TENM1: variants seen among roughly 807,000 people sequenced by gnomAD.
TENM1 encodes teneurin-1.
TENM1 carries 35 observed loss-of-function variants against 174.8 expected under a neutral mutation model. The observed-to-expected ratio is 0.20, with a 90% confidence interval of 0.15 to 0.27. TENM1 has a LOEUF of 0.27. Among genes scored for constraint, TENM1 ranks in the 10% least tolerant of loss-of-function variants. The pLI is 1.00. For missense variants in TENM1, 1,633 were observed against 2,130.1 expected (o/e 0.77, Z 4.59); for synonymous variants, 781 against 798.7 (o/e 0.98, Z 0.37).
the TENM1 span, among the ~76,000 whole-genome samples, chrX:125,129,517 G>T: frequency 9.0e-6 from 1 of 110,963 alleles, no homozygotes; most frequent in Admixed American, 9.6e-5. Flanking sequence ...TCACTGTAGT[G>T]ACACTATTGT....
chrX:125,197,991 G>T, the TENM1 span, among the ~76,000 whole-genome samples: 1 of 111,801 alleles, frequency 8.9e-6, no homozygotes, highest in East Asian at 2.8e-4. Context: ...ACTTGACATG[G>T]ATTGCAATTC....
intron 27 of TENM1, 113 bp from the exon 31 acceptor site, chrX:124,392,461 C>G: frequency 1.6e-6 from 1 of 613,846 alleles, no homozygotes; most frequent in Non-Finnish European, 2.5e-6. Context: ...TGTCTTGCCT[C>G]TGAAGCCTCA....
At chrX:124,465,845 G>A (rs779512741) in intron 22 of TENM1, among the ~76,000 whole-genome samples, 68 of 111,141 alleles carry the variant, frequency 6.1e-4, no homozygotes, top group Middle Eastern at 4.7e-3. Flanking sequence ...TCCCCAAAGA[G>A]ATAATATTCC....
intron 3 of TENM1, among the ~76,000 whole-genome samples, chrX:124,847,419 A>C (rs1427343242): frequency 8.9e-6 from 1 of 112,000 alleles, no homozygotes; most frequent in African/African-American, 3.2e-5. Context: ...TATAATCAGC[A>C]ACTTTCAGCA....
the TENM1 span, among the ~76,000 whole-genome samples, chrX:125,178,492 TAG>T: frequency 9.1e-6 from 1 of 110,228 alleles, no homozygotes; most frequent in Non-Finnish European, 1.9e-5. Context: ...CTCTCAACCT[TAG>T]AGAGATAGAT....
chrX:125,120,785 TC>T, the TENM1 span, among the ~76,000 whole-genome samples: 1 of 111,348 alleles, frequency 9.0e-6, no homozygotes, highest in East Asian at 2.8e-4. Flanking sequence ...CACCAGTTAA[TC>T]CCACATCGGT....
the TENM1 span, among the ~76,000 whole-genome samples, chrX:125,093,181 T>TA: frequency 2.7e-5 from 3 of 112,148 alleles, no homozygotes; most frequent in African/African-American, 9.7e-5. Context: ...TTTGTAAGAT[T>TA]AGCTCAGTGG....
At chrX:124,983,409 A>G in the TENM1 span, among the ~76,000 whole-genome samples, 1 of 111,211 alleles carries the variant, frequency 9.0e-6, no homozygotes, top group African/African-American at 3.3e-5. Context: ...AATTCCATAT[A>G]TCTTGGAAGT....
At chrX:125,198,444 G>C in the TENM1 span, among the ~76,000 whole-genome samples, 1 of 111,448 alleles carries the variant, frequency 9.0e-6, no homozygotes, top group Non-Finnish European at 1.9e-5. Context: ...AGCTGTGAAT[G>C]TTCTATTAGA....
chrX:125,198,184 T>C, the TENM1 span, among the ~76,000 whole-genome samples: 885 of 112,219 alleles, frequency 7.9e-3, 6 homozygotes, highest in Non-Finnish European at 0.011. Flanking sequence ...ACTGGTAAAA[T>C]GACTGTTTTA....
At chrX:124,441,406 C>T (rs141283119) in intron 23 of TENM1, among the ~76,000 whole-genome samples, 2,458 of 112,425 alleles carry the variant, frequency 0.022, 37 homozygotes, top group Non-Finnish European at 0.035. Context: ...GATTTAAATA[C>T]TTTCACATTT....
chrX:124,685,576 T>TTTTTTTTTTTTTTA (rs2052341838), intron 5 of TENM1, among the ~76,000 whole-genome samples: 1 of 106,251 alleles, frequency 9.4e-6, no homozygotes, highest in African/African-American at 3.5e-5. Context: ...TTTTTTTTTT[T>TTTTTTTTTTTTTTA]GAGATGGAGT....
intron 28 of TENM1, among the ~76,000 whole-genome samples, 187 bp downstream of exon 31, chrX:124,391,865 G>A (rs2060285552): frequency 9.0e-6 from 1 of 111,622 alleles, no homozygotes; most frequent in Admixed American, 9.5e-5. Context: ...TCTGGGACTG[G>A]GGAAAATTTT....
At chrX:124,873,712 T>C (rs2147487290) in intron 3 of TENM1, among the ~76,000 whole-genome samples, 1 of 111,564 alleles carries the variant, frequency 9.0e-6, no homozygotes, top group South Asian at 3.8e-4. Context: ...TGAAGACTGT[T>C]CAACTTCAAT....
At chrX:124,504,321 T>C (rs771665400) in intron 18 of TENM1, among the ~76,000 whole-genome samples, 4 of 112,559 alleles carry the variant, frequency 3.6e-5, no homozygotes, top group African/African-American at 1.3e-4. Context: ...TGCATATAAC[T>C]AACCAATGGG....
chrX:125,064,761 C>T, the TENM1 span, among the ~76,000 whole-genome samples: 766 of 110,413 alleles, frequency 6.9e-3, 6 homozygotes, highest in African/African-American at 0.023. Flanking sequence ...TGCCCACCAC[C>T]GCGCCTGGCT....
intron 15 of TENM1, among the ~76,000 whole-genome samples, chrX:124,537,258 C>T (rs187143774): frequency 8.1e-5 from 9 of 111,376 alleles, no homozygotes; most frequent in Admixed American, 3.8e-4. Flanking sequence ...AATTCTATTG[C>T]TATGTACCCT....
At chrX:124,400,402 C>A (rs767464696) in intron 27 of TENM1, among the ~76,000 whole-genome samples, 1 of 111,982 alleles carries the variant, frequency 8.9e-6, no homozygotes, top group Non-Finnish European at 1.9e-5. Flanking sequence ...TTCTCCTTCT[C>A]AGCTCACATC....
chrX:124,804,538 C>T (rs959026497), intron 3 of TENM1, among the ~76,000 whole-genome samples: 2 of 111,589 alleles, frequency 1.8e-5, no homozygotes, highest in Non-Finnish European at 3.8e-5. Context: ...TTCCATTTCC[C>T]CCTACAATCC....
Sources: gnomAD v4.1 joint callset for allele counts (sites outside exome capture counted in the v4.1 genomes callset) on GRCh38, gnomAD v4.1.1 for gene constraint, MANE v1.5 for transcripts, NCBI Gene and HGNC (gene_info 2026-07-23, HGNC 2026-07-21) for gene names.